SNAPC3: variants seen among roughly 807,000 people sequenced by gnomAD.
The protein encoded by SNAPC3 is snRNA-activating protein complex subunit 3.
In SNAPC3, 56 loss-of-function variants were observed where a neutral mutation model predicts 47.7. That is an observed-to-expected ratio of 1.18 (90% CI 0.95 to 1.47). The LOEUF is 1.47. Among genes scored for constraint, SNAPC3 ranks in the 40% most tolerant of loss-of-function variants. SNAPC3 has a pLI of 0.00. For synonymous variants in SNAPC3, 235 were observed against 189.9 expected, an observed-to-expected ratio of 1.24 and a Z score of -1.95; for missense variants, 665 against 511.3, an observed-to-expected ratio of 1.30 and a Z score of -2.90.
chr9:15,425,325 C>T (rs1435586293), intron 2 of SNAPC3, among the ~76,000 whole-genome samples: 1 of 152,148 alleles, frequency 6.6e-6, no homozygotes, highest in Admixed American at 6.5e-5. Context: ...TCAAGCGATT[C>T]TCCTGCCTCA....
chr9:15,435,210 T>C (rs1429095901), intron 3 of SNAPC3, among the ~76,000 whole-genome samples: 1 of 152,218 alleles, frequency 6.6e-6, no homozygotes, highest in East Asian at 1.9e-4. Flanking sequence ...ATCTGTATAT[T>C]TTCTTTGAAA....
chr9:15,463,589 ACAAATTGAG>A (rs2035394176), downstream of SNAPC3: 3 of 152,092 alleles, frequency 2.0e-5, no homozygotes, highest in Admixed American at 2.0e-4. Flanking sequence ...GACCACACAC[ACAAATTGAG>A]CCAATGAACA....
Position 15,460,034 on chromosome 9 carries a change from A to C in SNAPC3, c.*168A>C. 1 of 489,250 alleles carries C rather than the reference A, an allele frequency of 2.0e-6. No homozygotes were observed. 30.3% of individuals were successfully genotyped at this position (489,250 alleles called of 1,614,324 possible). ...ATTTTCTTATAATGATAGTATTTAAATGTTTATAACATAGTTTAATTTTAT... is the reference window on the plus strand; with the variant it reads ...ATTTTCTTATAATGATAGTATTTAACTGTTTATAACATAGTTTAATTTTAT... On this transcript the variant is annotated 3_prime_UTR_variant, in exon 9 of 9. Transcript: ENST00000380821.
intron 5 of SNAPC3, among the ~76,000 whole-genome samples, chr9:15,449,535 T>TTATA (rs538667627): frequency 8.3e-4 from 38 of 45,760 alleles, no homozygotes; most frequent in African/African-American, 1.7e-3. Context: ...TCTATTATTA[T>TTATA]TATATATATA....
chr9:15,464,633 AT>A (rs909764537), downstream of SNAPC3: 1 of 198,358 alleles, frequency 5.0e-6, no homozygotes, highest in African/African-American at 2.3e-5. Context: ...AAGCATCATG[AT>A]TTTTTCTTCC....
chr9:15,443,692 C>T (rs766313007), intron 3 of SNAPC3, among the ~76,000 whole-genome samples: 6 of 152,118 alleles, frequency 3.9e-5, no homozygotes, highest in Non-Finnish European at 7.4e-5. Context: ...ACCAGGCACT[C>T]GGCATCACCA....
chr9:15,457,002 CT>C (rs2034847005), intron 7 of SNAPC3, among the ~76,000 whole-genome samples: 1 of 152,176 alleles, frequency 6.6e-6, no homozygotes, highest in Non-Finnish European at 1.5e-5. Flanking sequence ...GTCCTTTCAT[CT>C]TTCAGAAGAA....
At chr9:15,435,049 A>C (rs1172266446) in intron 3 of SNAPC3, among the ~76,000 whole-genome samples, 2 of 152,134 alleles carry the variant, frequency 1.3e-5, no homozygotes, top group African/African-American at 4.8e-5. Context: ...TGAAGGTTCC[A>C]ATTTCTCCAT....
Position 15,453,092 on chromosome 9 carries a change from G to T in SNAPC3, c.867G>T (p.Gln289His). Residue 289 changes from glutamine to histidine, a missense_variant, in exon 7 of 9, where the codon CAG becomes CAT. Coordinates refer to ENST00000380821, the MANE Select transcript of SNAPC3 (RefSeq NM_001039697.2). ...ATGATAGAGGCTATGGAAAGTTTCA[G>T]ACTGCTAGAATGGAAGATTTCACCT... ...ESHDRGYGKF[Q>H]TARMEDFTFN... is the part of the protein sequence containing the mutation. The T allele has an allele frequency of 1.2e-6, 2 of 1,613,634 alleles. No homozygotes were observed. The highest frequency in any genetic ancestry group is 1.7e-6 in the Non-Finnish European group (2 of 1,179,578).
intron 3 of SNAPC3, among the ~76,000 whole-genome samples, chr9:15,439,264 G>C (rs2033107919): frequency 6.6e-6 from 1 of 152,130 alleles, no homozygotes; most frequent in South Asian, 2.1e-4. Flanking sequence ...GCCCACCTTG[G>C]TCTCCCATGC....
intron 3 of SNAPC3, among the ~76,000 whole-genome samples, chr9:15,434,607 T>G (rs767898048): frequency 2.6e-5 from 4 of 152,128 alleles, no homozygotes; most frequent in Non-Finnish European, 4.4e-5. Flanking sequence ...GGTTTCATCA[T>G]GTTGGCCAGG....
chr9:15,447,607 C>T (rs1423853389), intron 5 of SNAPC3, among the ~76,000 whole-genome samples: 2 of 151,956 alleles, frequency 1.3e-5, no homozygotes, highest in African/African-American at 2.4e-5. Flanking sequence ...CAATAGTGAC[C>T]ACCTAATTTT....
intron 3 of SNAPC3, among the ~76,000 whole-genome samples, chr9:15,441,375 TCC>T (rs2033344795): frequency 7.7e-6 from 1 of 129,350 alleles, no homozygotes; most frequent in Non-Finnish European, 1.6e-5. Flanking sequence ...GTGCAAGAGT[TCC>T]CTTTTCTTTT....
At chr9:15,444,810 C>G in intron 4 of SNAPC3, 104 bp downstream of exon 4, 1 of 619,304 alleles carries the variant, frequency 1.6e-6, no homozygotes. Flanking sequence ...AAAATAAACA[C>G]TCTGGGAGTG....
chr9:15,424,638 G>T (rs1254682737), intron 2 of SNAPC3, among the ~76,000 whole-genome samples: 7 of 152,190 alleles, frequency 4.6e-5, no homozygotes, highest in African/African-American at 1.7e-4. Flanking sequence ...TTTCTGTACA[G>T]ATTGGTTAAC....
Position 15,423,943 on chromosome 9 carries a change from G to C in SNAPC3, c.349G>C (p.Asp117His). ...DKLKCLEDGE[D>H]PEVIPENTDL... is the part of the protein sequence containing the mutation. ...ACTGAAATGCCTTGAGGACGGTGAG[G>C]ATCCAGAAGTCATTCCGGAGAATAC... Residue 117 changes from aspartate to histidine, a missense_variant, in exon 2 of 9, where the codon GAT becomes CAT. By Grantham distance (81) the Asp-to-His change is moderately conservative. Coordinates refer to ENST00000380821, the MANE Select transcript of SNAPC3 (RefSeq NM_001039697.2). The C allele has an allele frequency of 6.3e-7, 1 of 1,588,990 alleles. No homozygotes were observed. The highest frequency in any genetic ancestry group is 1.4e-5 in the African/African-American group (1 of 73,762).
intron 5 of SNAPC3, among the ~76,000 whole-genome samples, chr9:15,448,866 A>T (rs2131902081): frequency 6.6e-6 from 1 of 151,892 alleles, no homozygotes; most frequent in East Asian, 1.9e-4. Flanking sequence ...CTGGAGTGCG[A>T]TGATGCAATC....
chr9:15,428,661 A>G (rs937641714), intron 2 of SNAPC3, among the ~76,000 whole-genome samples: 1 of 152,164 alleles, frequency 6.6e-6, no homozygotes, highest in South Asian at 2.1e-4. Context: ...AGGAGAAATG[A>G]AAAAAGAGTT....
At chr9:15,459,335 A>G (rs2035026364) in intron 8 of SNAPC3, among the ~76,000 whole-genome samples, 1 of 152,244 alleles carries the variant, frequency 6.6e-6, no homozygotes, top group South Asian at 2.1e-4. Flanking sequence ...AAAGTCTATC[A>G]GATTTGTAGC....
Sources: allele counts gnomAD v4.1 joint callset (sites outside exome capture counted in the v4.1 genomes callset), GRCh38; gene constraint gnomAD v4.1.1; transcripts MANE v1.5; gene names NCBI Gene and HGNC (gene_info 2026-07-23, HGNC 2026-07-21).